PCDHGB1: variants seen among roughly 807,000 people sequenced by gnomAD.
The protein encoded by PCDHGB1 is protocadherin gamma subfamily B, 1, also known as protocadherin gamma-B1.
A neutral mutation model predicts 56.6 loss-of-function variants in PCDHGB1; 34 were observed. The observed-to-expected ratio is 0.60, with a 90% CI of 0.46 to 0.80. PCDHGB1 has a LOEUF of 0.80. Among genes scored for constraint, PCDHGB1 ranks in the 30% least tolerant of loss-of-function variants. PCDHGB1 has a pLI of 0.00. For missense variants in PCDHGB1, 1,278 were observed against 1,204.6 expected, an observed-to-expected ratio of 1.06 and a Z score of -0.90; for synonymous variants, 561 against 505.9, an observed-to-expected ratio of 1.11 and a Z score of -1.46.
At chr5:141,465,978 C>T (rs568961720) in intron 1 of PCDHGB1, among the ~76,000 whole-genome samples, 7 of 151,998 alleles carry the variant, frequency 4.6e-5, no homozygotes, top group South Asian at 2.1e-4. Context: ...AAAAATTAGC[C>T]GGGCATGGTG....
chr5:141,478,607 A>T (rs892000536), intron 1 of PCDHGB1: 1 of 1,560,800 alleles, frequency 6.4e-7, no homozygotes, highest in Non-Finnish European at 8.7e-7. Context: ...CATCATATTG[A>T]GGAAGGAATG....
rs145569377 is a variant in PCDHGB1 at position 141,455,860 on chromosome 5, ATTATTTATTTATTTAT to A, written c.2410-38908_2410-38893del. Among the ~76,000 whole-genome samples, 551 of 139,848 alleles carry A rather than the reference ATTATTTATTTATTTAT, an allele frequency of 3.9e-3. 2 individuals carry two copies. The highest frequency in any genetic ancestry group is 9.7e-3 in the South Asian group (42 of 4,344). The allele number at this position is 139,848 out of a possible 152,430, so 91.7% of individuals were successfully genotyped here. ...CTATCTGCATAAAATAATTTCTTTTATTATTTATTTATTTATTTATTTATTTATTTATTTATTTATT... is the reference window on the plus strand; with the variant it reads ...CTATCTGCATAAAATAATTTCTTTTATTATTTATTTATTTATTTATTTATT... On this transcript the variant is annotated intron_variant, in intron 1 of 3. Transcript: ENST00000523390.
At chr5:141,479,120 A>T (rs1278879959) in intron 1 of PCDHGB1, among the ~76,000 whole-genome samples, 1 of 152,232 alleles carries the variant, frequency 6.6e-6, no homozygotes, top group Non-Finnish European at 1.5e-5. Context: ...TTCTACTGGA[A>T]ATGATGTGCA....
chr5:141,374,941 A>G, intron 1 of PCDHGB1: 1 of 1,614,040 alleles, frequency 6.2e-7, no homozygotes, highest in Non-Finnish European at 8.5e-7. Context: ...AGATTACAGA[A>G]AAGATCTCAC....
intron 1 of PCDHGB1, chr5:141,433,292 C>A: frequency 9.2e-7 from 1 of 1,082,526 alleles, no homozygotes; most frequent in South Asian, 1.6e-5. Context: ...CTCCTAGGCT[C>A]AAGCAATTAT....
intron 1 of PCDHGB1, among the ~76,000 whole-genome samples, chr5:141,466,735 T>C (rs2099128254): frequency 6.6e-6 from 1 of 152,224 alleles, no homozygotes; most frequent in South Asian, 2.1e-4. Context: ...GCAGAATTCA[T>C]GTTACTCTGA....
chr5:141,397,907 G>C, intron 1 of PCDHGB1: 1 of 663,426 alleles, frequency 1.5e-6, no homozygotes, highest in Non-Finnish European at 2.5e-6. Context: ...AGAGCTTGGC[G>C]CTCCAGATCT....
chr5:141,371,736 A>T (rs777064173), intron 1 of PCDHGB1: 4 of 1,614,042 alleles, frequency 2.5e-6, no homozygotes, highest in Non-Finnish European at 3.4e-6. Context: ...TGTCAACGAC[A>T]ACGTTCCCGT....
intron 1 of PCDHGB1, among the ~76,000 whole-genome samples, chr5:141,469,492 T>C (rs1233507221): frequency 6.6e-6 from 1 of 152,038 alleles, no homozygotes; most frequent in Non-Finnish European, 1.5e-5. Flanking sequence ...GGAGAATCGC[T>C]TGAACCCGGG....
chr5:141,395,093 C>T (rs1372671941), intron 1 of PCDHGB1: 1 of 1,614,158 alleles, frequency 6.2e-7, no homozygotes, highest in Non-Finnish European at 8.5e-7. Flanking sequence ...TCTCCCTCAC[C>T]GCCGACTCGC....
chr5:141,364,599 T>G, intron 1 of PCDHGB1: 1 of 1,614,178 alleles, frequency 6.2e-7, no homozygotes, highest in Non-Finnish European at 8.5e-7. Context: ...GCGGGCAGGA[T>G]AGACCGGGAG....
At chr5:141,354,958 G>A (rs1759675206) in intron 1 of PCDHGB1, 3 of 490,374 alleles carry the variant, frequency 6.1e-6, no homozygotes, top group South Asian at 1.1e-4. Flanking sequence ...TGCAGTAACA[G>A]GTTAAGACTC....
At chr5:141,362,644 T>G in intron 1 of PCDHGB1, 2 of 1,454,150 alleles carry the variant, frequency 1.4e-6, no homozygotes, top group Non-Finnish European at 1.8e-6. Flanking sequence ...TCTTTGTCTG[T>G]GAGTTAGATT....
At chr5:141,415,597 A>G (rs1206125540) in intron 1 of PCDHGB1, 2 of 1,613,800 alleles carry the variant, frequency 1.2e-6, no homozygotes, top group South Asian at 1.1e-5. Flanking sequence ...TATAGAGGAT[A>G]CCCCATTGGT....
intron 1 of PCDHGB1, chr5:141,392,828 G>T: frequency 6.2e-7 from 1 of 1,604,008 alleles, no homozygotes; most frequent in Non-Finnish European, 8.5e-7. Context: ...CCGCTCCACA[G>T]AGTCGCCCCA....
In PCDHGB1 at chr5:141,432,611, T is replaced by G. The variant is rs141541670; in HGVS notation, c.2410-62196T>G. The G allele has an allele frequency of 4.2e-4, 676 of 1,613,808 alleles. 1 individual carries two copies. The African/African-American group carries it at 5.6e-3, about 13-fold the overall frequency. On this transcript the variant is annotated intron_variant, in intron 1 of 3. Coordinates refer to ENST00000523390, the MANE Select transcript of PCDHGB1 (RefSeq NM_018922.3). This position sits in a 1 kb window ranked among gnomAD's most constrained non-coding sequence, Gnocchi z 6.0. ...CAAGGCCAGCGAGCCGGGACTCTTC[T>G]CGGTGGGTCTGCACACGGGCGAGGT...
At chr5:141,495,779 C>A (rs529564820) in intron 2 of PCDHGB1, among the ~76,000 whole-genome samples, 53 of 152,094 alleles carry the variant, frequency 3.5e-4, no homozygotes, top group Non-Finnish European at 4.6e-4. Flanking sequence ...TCCTGGACCT[C>A]TTTTCTGTTT....
Position 141,489,934 on chromosome 5 carries a change from G to A in PCDHGB1, c.2410-4873G>A, listed in dbSNP as rs777780708. 1.7e-5 allele frequency: 28 copies of A among 1,614,176 alleles called. No homozygotes were observed. Among genetic ancestry groups the A allele is most frequent in the East Asian group, 6.7e-5 (3 of 44,876 alleles). On this transcript the variant is annotated intron_variant, in intron 1 of 3. Coordinates refer to ENST00000523390, the MANE Select transcript of PCDHGB1 (RefSeq NM_018922.3). This position sits in a 1 kb window ranked among gnomAD's most constrained non-coding sequence, Gnocchi z 4.5. ...AGGGACCACCCTTATCTCTGTCATCGTGCTGGACATCAATGATAATGCTCC... is the reference window on the plus strand; with the variant it reads ...AGGGACCACCCTTATCTCTGTCATCATGCTGGACATCAATGATAATGCTCC...
At chr5:141,410,804 T>A in intron 1 of PCDHGB1, 1 of 674,100 alleles carries the variant, frequency 1.5e-6, no homozygotes, top group Non-Finnish European at 2.3e-6. Flanking sequence ...TTGCTCTATC[T>A]TTTTGTAAAA....
Sources: gnomAD v4.1 joint callset for allele counts (sites outside exome capture counted in the v4.1 genomes callset) on GRCh38, gnomAD v4.1.1 for gene constraint, Gnocchi (gnomAD v3.1) non-coding constraint, MANE v1.5 for transcripts, NCBI Gene and HGNC (gene_info 2026-07-23, HGNC 2026-07-21) for gene names.